KATNAL2: variants seen among roughly 807,000 people sequenced by gnomAD.
The protein encoded by KATNAL2 is katanin catalytic subunit A1 like 2, also known as katanin p60 ATPase-containing subunit A-like 2.
Under a neutral mutation model 76.3 loss-of-function variants are expected in KATNAL2, and 52 were observed. The observed-to-expected ratio is 0.68, with a 90% CI of 0.55 to 0.86. KATNAL2 has a LOEUF of 0.86. KATNAL2 is among the 40% of genes least tolerant of loss of function. The probability of loss-of-function intolerance (pLI) is 0.00; values close to 1 mark genes in which losing one functional copy is unlikely to be tolerated. For missense variants in KATNAL2, 660 were observed against 668.9 expected (o/e 0.99, Z 0.15); for synonymous variants, 243 against 244.2 (o/e 1.00, Z 0.05).
intron 15 of KATNAL2, among the ~76,000 whole-genome samples, chr18:47,096,716 C>G (rs2063255807): frequency 6.6e-6 from 1 of 152,148 alleles, no homozygotes; most frequent in Admixed American, 6.5e-5. Context: ...GACTCACACT[C>G]AAGATGATCT....
At chr18:47,054,260 C>A in intron 5 of KATNAL2, 136 bp from the exon 6 acceptor site, 1 of 742,112 alleles carries the variant, frequency 1.3e-6, no homozygotes, top group Non-Finnish European at 2.3e-6. Flanking sequence ...ATGAGAATAG[C>A]TTAAAGTCTC....
At chr18:46,932,911 C>G (rs185782544) in intron 1 of KATNAL2, among the ~76,000 whole-genome samples, 61 of 151,550 alleles carry the variant, frequency 4.0e-4, no homozygotes, top group African/African-American at 1.4e-3. Context: ...ATTACAGGCG[C>G]GCTACCATGC....
At chr18:47,085,803 TAAA>T (rs1481513926) in intron 15 of KATNAL2, among the ~76,000 whole-genome samples, 1 of 152,130 alleles carries the variant, frequency 6.6e-6, no homozygotes, top group African/African-American at 2.4e-5. Flanking sequence ...AATAAATAAA[TAAA>T]AGATACTATT....
intron 11 of KATNAL2, among the ~76,000 whole-genome samples, chr18:47,068,624 C>T (rs539055504): frequency 1.3e-5 from 2 of 152,270 alleles, no homozygotes; most frequent in East Asian, 3.9e-4. Flanking sequence ...ACACCCTCTC[C>T]CCCATTCTCT....
chr18:46,946,828 ACT>A (rs1341602318), intron 2 of KATNAL2, 24 bp from the exon 3 acceptor site: 8 of 1,528,056 alleles, frequency 5.2e-6, no homozygotes, highest in East Asian at 4.9e-5. Flanking sequence ...CAGCCCAGTA[ACT>A]GACTACTTTT....
At chr18:46,934,227 A>T (rs1206278578) in intron 1 of KATNAL2, among the ~76,000 whole-genome samples, 3 of 152,110 alleles carry the variant, frequency 2.0e-5, no homozygotes, top group South Asian at 4.2e-4. Flanking sequence ...CGCCACACTG[A>T]CTTCCACAAT....
chr18:46,935,119 A>G (rs1450099215), intron 1 of KATNAL2, among the ~76,000 whole-genome samples: 1 of 152,190 alleles, frequency 6.6e-6, no homozygotes, highest in Non-Finnish European at 1.5e-5. Flanking sequence ...CCAGAAAAAG[A>G]CTGCAATAAG....
rs561503249 is a variant in KATNAL2, at chr18:47,062,960, C to T, written c.550-12C>T. ...TGTTCTCATGGCATAAATAACCATT[C>T]CTCCCTTTCAGGGCCAAATCATTGA... On this transcript the variant is annotated splice_polypyrimidine_tract_variant and intron_variant, in intron 8 of 17. Transcript: ENST00000683218. 6.2e-7 allele frequency: 1 copy of T among 1,604,250 alleles called. No individual in the cohort carries two copies. The highest frequency in any genetic ancestry group is 1.3e-5 in the African/African-American group (1 of 74,830).
At chr18:47,048,298 A>G (rs753661123) in intron 4 of KATNAL2, among the ~76,000 whole-genome samples, 10 of 152,164 alleles carry the variant, frequency 6.6e-5, no homozygotes, top group Non-Finnish European at 7.4e-5. Context: ...ACTGGAACTA[A>G]AAGTCGGTTT....
intron 1 of KATNAL2, among the ~76,000 whole-genome samples, chr18:46,930,155 A>G (rs774935872): frequency 2.0e-5 from 3 of 152,296 alleles, no homozygotes; most frequent in Non-Finnish European, 2.9e-5. Context: ...TAACTTTTCA[A>G]TGATCAAATA....
At chr18:46,935,941 G>C (rs1017492877) in intron 1 of KATNAL2, among the ~76,000 whole-genome samples, 2 of 152,026 alleles carry the variant, frequency 1.3e-5, no homozygotes, top group African/African-American at 4.8e-5. Flanking sequence ...AGACCCTCTG[G>C]ACCAGTAGGA....
In KATNAL2 at chr18:46,948,888, TTG is replaced by T. The variant is rs71264810; in HGVS notation, c.51+1995_51+1996del. The stretch of plus-strand genomic sequence containing the variant: ...TACTGGGGTGTTGCAAGTATCTGCA[TTG>T]TGTGTGTGTGTGTGTGTGTGTGTGT... On this transcript the variant is annotated intron_variant, in intron 3 of 17. Transcript: ENST00000683218. Among the ~76,000 whole-genome samples, 881 of 145,620 alleles carry T rather than the reference TTG, an allele frequency of 6.0e-3. 4 individuals carry two copies. The highest frequency in any genetic ancestry group is 9.0e-3 in the Non-Finnish European group (600 of 66,328).
At chr18:47,048,133 A>G (rs1300008336) in intron 4 of KATNAL2, among the ~76,000 whole-genome samples, 2 of 152,212 alleles carry the variant, frequency 1.3e-5, no homozygotes, top group African/African-American at 2.4e-5. Context: ...CATCTGACGC[A>G]CAGGACAGCC....
At chr18:46,925,545 T>C (rs908091592) in intron 1 of KATNAL2, among the ~76,000 whole-genome samples, 4 of 152,148 alleles carry the variant, frequency 2.6e-5, no homozygotes, top group African/African-American at 9.7e-5. Context: ...AAAATTCTCT[T>C]TTTTTGGTTG....
At chr18:47,089,118 C>T (rs1384004766) in intron 15 of KATNAL2, among the ~76,000 whole-genome samples, 2 of 152,152 alleles carry the variant, frequency 1.3e-5, no homozygotes, top group African/African-American at 4.8e-5. Context: ...TACATGTTGC[C>T]TTTAAAACTC....
At position 47,066,442 on chromosome 18, in the gene KATNAL2, C is replaced by CT. The variant is rs1307047637; in HGVS notation, c.727-577dup. ...GCACTTTCGCTCGGTTGTCAGCTTC[C>CT]TTGAATTCTGTAGAAGCAATTGCTC... is the stretch of plus-strand genomic sequence containing the variant. On this transcript the variant is annotated intron_variant, in intron 10 of 17. Transcript: ENST00000683218. Among the ~76,000 whole-genome samples, 5 of 152,088 alleles carry CT rather than the reference C, an allele frequency of 3.3e-5. No individual in the cohort carries two copies. In the East Asian group the frequency reaches 9.7e-4, roughly 29 times the overall value.
intron 15 of KATNAL2, among the ~76,000 whole-genome samples, chr18:47,082,236 C>A (rs2062560399): frequency 6.6e-6 from 1 of 152,176 alleles, no homozygotes; most frequent in Non-Finnish European, 1.5e-5. Flanking sequence ...CCAGATAATT[C>A]TTTGTGGTGG....
rs190905723 is a variant in KATNAL2 at position 47,067,797 on chromosome 18, G to A, written c.825+678G>A. ...CAACAATTTATTTGTTTGTAATTCC[G>A]TGGGTAGGCAGTTGGAGCTGGGCTC... On this transcript the variant is annotated intron_variant, in intron 11 of 17. Transcript: ENST00000683218. Among the ~76,000 whole-genome samples, 13 of 152,320 alleles carry A rather than the reference G, an allele frequency of 8.5e-5. No homozygotes were observed. The East Asian group carries it at 1.3e-3, about 16-fold the overall frequency.
chr18:46,930,937 C>T (rs1274748487), intron 1 of KATNAL2, among the ~76,000 whole-genome samples: 1 of 151,868 alleles, frequency 6.6e-6, no homozygotes. Context: ...CTGGTCTCTC[C>T]TAAAAATACA....
Sources: gnomAD v4.1 joint callset for allele counts (sites outside exome capture counted in the v4.1 genomes callset) on GRCh38, gnomAD v4.1.1 for gene constraint, MANE v1.5 for transcripts, NCBI Gene and HGNC (gene_info 2026-07-23, HGNC 2026-07-21) for gene names.